Variants in ZNF765 observed in about 807,000 individuals in gnomAD.
The protein encoded by ZNF765 is zinc finger protein 765.
Under a neutral mutation model 44.7 loss-of-function variants are expected in ZNF765, and 37 were observed. The ratio of observed to expected loss-of-function variants is 0.83; its 90% CI spans 0.64 to 1.09. ZNF765 has a LOEUF of 1.09. ZNF765 is among the 50% of genes least tolerant of loss of function. The pLI is 0.00. For synonymous variants in ZNF765, 201 were observed against 213.7 expected, an observed-to-expected ratio of 0.94 and a Z score of 0.52; for missense variants, 594 against 626.1, an observed-to-expected ratio of 0.95 and a Z score of 0.55.
chr19:53,398,661 T>C (rs541608450), intron 2 of ZNF765, among the ~76,000 whole-genome samples: 1 of 152,328 alleles, frequency 6.6e-6, no homozygotes, highest in African/African-American at 2.4e-5. Context: ...CACATTACGC[T>C]CATGGAGACT....
At position 53,409,398 on chromosome 19, in the gene ZNF765, T is replaced by C. The variant is rs2085812210; in HGVS notation, c.*271T>C. 3 of 848,306 alleles carry C rather than the reference T, an allele frequency of 3.5e-6. No homozygotes were observed. In the East Asian group the frequency reaches 7.3e-5, roughly 21 times the overall value. The allele number at this position is 848,306 out of a possible 1,614,324, so 52.5% of individuals were successfully genotyped here. A position where few individuals can be genotyped will look rare whatever the true frequency, so the allele number is the denominator to read the frequency against. ...GTGAAGAATGTGAAGAAGCTTTCTG[T>C]TTCAAATCCAACCTTGAAAGACATA... On this transcript the variant is annotated 3_prime_UTR_variant, in exon 4 of 4. Transcript: ENST00000396408.
chr19:53,425,550 G>C (rs1462860138), exon 4 of ZNF765: 1 of 152,316 alleles, frequency 6.6e-6, no homozygotes, highest in Admixed American at 6.6e-5. Flanking sequence ...GGGCTCAAGT[G>C]ATCTGCCCAC....
exon 4 of ZNF765, chr19:53,424,662 C>CT (rs528851152): frequency 0.052 from 6,690 of 128,008 alleles, 244 homozygotes; most frequent in Middle Eastern, 0.098. Flanking sequence ...CTTCTCCATT[C>CT]TTTTTTTTTT....
In ZNF765 at chr19:53,408,414, A is replaced by G; in HGVS notation, c.859A>G (p.Thr287Ala). The G allele has an allele frequency of 2.5e-6, 4 of 1,614,166 alleles. No homozygotes were observed. The highest frequency in any genetic ancestry group is 3.4e-6 in the Non-Finnish European group (4 of 1,180,000). The change falls in exon 4 of 4, where the codon ACA (threonine) becomes GCA (alanine). Residue 287 changes from threonine to alanine, a missense_variant. This residue lies in a region of ZNF765 where 567 missense variants were observed against 572.6 expected (regional missense o/e 0.99). Transcript: ENST00000396408. ...GACCTTCAGTCAGACATATTACCTA[A>G]CATGCCATCGTAGACTTCATACTGG... ...GKTFSQTYYL[T>A]CHRRLHTGEK...
In ZNF765 at chr19:53,410,738, G is replaced by T; in HGVS notation, c.*1611G>T. ...TAACTTGCAGTTCATCGGCGAACTC[G>T]TACTGGAGAGAAACCTTACAAATGT... On this transcript the variant is annotated 3_prime_UTR_variant, in exon 4 of 4. Coordinates refer to ENST00000396408, the MANE Select transcript of ZNF765 (RefSeq NM_001040185.3). 1 of 429,254 alleles carries T rather than the reference G, an allele frequency of 2.3e-6. No individual in the cohort carries two copies. The highest frequency in any genetic ancestry group is 4.8e-6 in the Non-Finnish European group (1 of 209,284). 26.6% of individuals were successfully genotyped at this position (429,254 alleles called of 1,614,324 possible). A position where few individuals can be genotyped will look rare whatever the true frequency, so the allele number is the denominator to read the frequency against.
exon 4 of ZNF765, chr19:53,427,318 G>C (rs2085945532): frequency 7.2e-6 from 1 of 139,164 alleles, no homozygotes; most frequent in African/African-American, 3.0e-5. Context: ...AACTTGTAAG[G>C]CAACTCCATG....
At chr19:53,398,812 T>C (rs2085694998) in intron 2 of ZNF765, among the ~76,000 whole-genome samples, 1 of 152,108 alleles carries the variant, frequency 6.6e-6, no homozygotes, top group Non-Finnish European at 1.5e-5. Context: ...TGCAGTGGCA[T>C]GATCTTGGCT....
At chr19:53,403,020 CA>C (rs1450039413) in intron 3 of ZNF765, among the ~76,000 whole-genome samples, 1 of 152,000 alleles carries the variant, frequency 6.6e-6, no homozygotes, top group Non-Finnish European at 1.5e-5. Flanking sequence ...ACTAAAAATA[CA>C]AAAATTAGCC....
chr19:53,401,906 C>T (rs2085729740), intron 2 of ZNF765, 159 bp from the exon 3 acceptor site: 9 of 1,541,178 alleles, frequency 5.8e-6, no homozygotes, highest in Non-Finnish European at 8.0e-6. Context: ...TTAGTAAACA[C>T]AACTGGGAAG....
At position 53,409,886 on chromosome 19, in the gene ZNF765, A is replaced by G. The variant is rs2085817701; in HGVS notation, c.*759A>G. 3 of 648,964 alleles carry G rather than the reference A, an allele frequency of 4.6e-6. No individual in the cohort carries two copies. Among genetic ancestry groups the G allele is most frequent in the Admixed American group, 3.7e-5 (2 of 54,246 alleles). The allele number at this position is 648,964 out of a possible 1,614,324, so 40.2% of individuals were successfully genotyped here. ...ACCTTACAAGGATAATGAGTGTAGA[A>G]AAACCTTTCATGGGCAGTCAGCATT... On this transcript the variant is annotated 3_prime_UTR_variant, in exon 4 of 4. Coordinates refer to ENST00000396408, the MANE Select transcript of ZNF765 (RefSeq NM_001040185.3).
At position 53,410,143 on chromosome 19, in the gene ZNF765, C is replaced by A; in HGVS notation, c.*1016C>A. 2 of 423,900 alleles carry A rather than the reference C, an allele frequency of 4.7e-6. No homozygotes were observed. The highest frequency in any genetic ancestry group is 1.8e-5 in the South Asian group (1 of 55,248). 26.3% of individuals were successfully genotyped at this position (423,900 alleles called of 1,614,324 possible). ...CAGATTCAAATCAAACCTTGATAGT[C>A]ATAGAATTCATACTAGAGAGAAACC... On this transcript the variant is annotated 3_prime_UTR_variant, in exon 4 of 4. Transcript: ENST00000396408.
intron 3 of ZNF765, among the ~76,000 whole-genome samples, chr19:53,417,106 C>T (rs1470533988): frequency 6.6e-6 from 1 of 152,194 alleles, no homozygotes; most frequent in Non-Finnish European, 1.5e-5. Flanking sequence ...ACGTGAGCCA[C>T]TATGCCCGAC....
intron 1 of ZNF765, among the ~76,000 whole-genome samples, chr19:53,395,551 A>C (rs1412139645): frequency 6.6e-6 from 1 of 152,212 alleles, no homozygotes; most frequent in African/African-American, 2.4e-5. Flanking sequence ...TGGCAGCTGG[A>C]CGCAGCGCGG....
chr19:53,409,974 G>A lies in ZNF765; in HGVS notation c.*847G>A. On this transcript the variant is annotated 3_prime_UTR_variant, in exon 4 of 4. Transcript: ENST00000396408. ...GCTACAACTATTGCAAATCATTGGA[G>A]AATCCATAATGAAGAGAGATCCTAC... The A allele has an allele frequency of 1.8e-6, 1 of 553,874 alleles. No homozygotes were observed. The highest frequency in any genetic ancestry group is 1.5e-5 in the South Asian group (1 of 67,706). 34.3% of individuals were successfully genotyped at this position (553,874 alleles called of 1,614,324 possible). A position where few individuals can be genotyped will look rare whatever the true frequency, so the allele number is the denominator to read the frequency against.
chr19:53,427,033 C>T (rs1201085153), exon 4 of ZNF765: 1 of 138,248 alleles, frequency 7.2e-6, no homozygotes, highest in Admixed American at 7.0e-5. Context: ...CTCTGGGTGT[C>T]AGGATCTCTA....
chr19:53,418,644 C>T (rs1008085114), intron 3 of ZNF765, among the ~76,000 whole-genome samples: 1 of 152,010 alleles, frequency 6.6e-6, no homozygotes, highest in African/African-American at 2.4e-5. Flanking sequence ...TGCCCGTAAT[C>T]CTAACACTTT....
chr19:53,418,235 A>G (rs2085886328), intron 3 of ZNF765, among the ~76,000 whole-genome samples: 1 of 152,116 alleles, frequency 6.6e-6, no homozygotes, highest in South Asian at 2.1e-4. Context: ...CCCCTTCTCT[A>G]CTGAAAATAG....
intron 1 of ZNF765, among the ~76,000 whole-genome samples, chr19:53,396,594 C>A (rs74213013): frequency 1.4e-5 from 2 of 146,630 alleles, no homozygotes; most frequent in Non-Finnish European, 3.0e-5. Context: ...CTTTTTTTTT[C>A]TTCACTCTTG....
Position 53,410,075 on chromosome 19 carries a change from C to T in ZNF765, c.*948C>T, listed in dbSNP as rs749831605. ...TACCTTTGCAGTTCATGGGTGAAGTCGTATTAGAAACCTTACAAATGTGAA... is the reference window on the plus strand; with the variant it reads ...TACCTTTGCAGTTCATGGGTGAAGTTGTATTAGAAACCTTACAAATGTGAA... On this transcript the variant is annotated 3_prime_UTR_variant, in exon 4 of 4. Transcript: ENST00000396408. The T allele has an allele frequency of 1.4e-5, 6 of 428,738 alleles. 1 individual carries two copies. Among genetic ancestry groups the T allele is most frequent in the African/African-American group, 5.0e-5 (2 of 39,996 alleles). The allele number at this position is 428,738 out of a possible 1,614,324, so 26.6% of individuals were successfully genotyped here.
Sources: gnomAD v4.1 joint callset for allele counts (sites outside exome capture counted in the v4.1 genomes callset) on GRCh38, gnomAD v4.1.1 for gene constraint, gnomAD v4.1.1 regional missense constraint, MANE v1.5 for transcripts, NCBI Gene and HGNC (gene_info 2026-07-23, HGNC 2026-07-21) for gene names.